Variants in SBF2 observed in about 807,000 individuals in gnomAD.
SBF2 encodes the protein SET binding factor 2.
A neutral mutation model predicts 225.2 loss-of-function variants in SBF2; 112 were observed. The observed-to-expected ratio is 0.50, with a 90% CI of 0.43 to 0.58. The LOEUF is 0.58. SBF2 is among the 20% of genes least tolerant of loss of function. SBF2 has a pLI of 0.00. For synonymous variants in SBF2, 763 were observed against 773.3 expected, an observed-to-expected ratio of 0.99 and a Z score of 0.22; for missense variants, 1,996 against 2,206.2, an observed-to-expected ratio of 0.90 and a Z score of 1.91.
intron 1 of SBF2, among the ~76,000 whole-genome samples, chr11:10,224,820 T>G (rs1007616821): frequency 2.9e-4 from 44 of 152,146 alleles, no homozygotes; most frequent in African/African-American, 7.5e-4. Flanking sequence ...AATTATGGTG[T>G]TGTTGTTTTG....
chr11:9,914,868 C>T (rs530469763), intron 16 of SBF2, among the ~76,000 whole-genome samples: 1 of 137,726 alleles, frequency 7.3e-6, no homozygotes, highest in South Asian at 2.3e-4. Flanking sequence ...GGTTCACCAA[C>T]TGTAACAAAT....
At chr11:10,173,754 T>C (rs1292912255) in intron 2 of SBF2, among the ~76,000 whole-genome samples, 1 of 149,738 alleles carries the variant, frequency 6.7e-6, no homozygotes, top group Non-Finnish European at 1.5e-5. Flanking sequence ...CAGACTTCAA[T>C]GTCCCTGTCT....
At chr11:10,063,327 A>AT (rs1228871977) in intron 2 of SBF2, among the ~76,000 whole-genome samples, 90 of 88,132 alleles carry the variant, frequency 1.0e-3, no homozygotes, top group Admixed American at 5.0e-3. Context: ...AAGTAAAAAA[A>AT]ATATATATAT....
chr11:10,249,673 G>A (rs1960160736), intron 1 of SBF2, among the ~76,000 whole-genome samples: 2 of 151,608 alleles, frequency 1.3e-5, no homozygotes, highest in African/African-American at 4.8e-5. Context: ...CTTCCAAATA[G>A]TCTCTTCTGA....
At chr11:9,781,722 C>T (rs2133842144) in intron 38 of SBF2, 84 bp from the exon 39 acceptor site, 1 of 1,492,200 alleles carries the variant, frequency 6.7e-7, no homozygotes, top group South Asian at 1.1e-5. Context: ...GAATACCTTC[C>T]TCTGTACCTT....
intron 38 of SBF2, among the ~76,000 whole-genome samples, chr11:9,782,336 C>T (rs541065347): frequency 1.3e-5 from 2 of 151,914 alleles, no homozygotes; most frequent in South Asian, 2.1e-4. Flanking sequence ...AGGCGAGTCA[C>T]AGAGAAATAC....
At chr11:9,885,281 AC>A (rs1216269331) in intron 17 of SBF2, among the ~76,000 whole-genome samples, 8 of 94,354 alleles carry the variant, frequency 8.5e-5, no homozygotes, top group African/African-American at 2.7e-4. Flanking sequence ...AAAAAACCCC[AC>A]CCCCCCAAAA....
At chr11:9,897,426 C>A (rs953352731) in intron 16 of SBF2, among the ~76,000 whole-genome samples, 1 of 151,982 alleles carries the variant, frequency 6.6e-6, no homozygotes, top group Non-Finnish European at 1.5e-5. Flanking sequence ...TTAGTAGAGA[C>A]GGGGTTTAAC....
At chr11:9,877,386 A>T (rs535511348) in intron 17 of SBF2, among the ~76,000 whole-genome samples, 4 of 152,224 alleles carry the variant, frequency 2.6e-5, no homozygotes, top group Admixed American at 6.5e-5. Flanking sequence ...GAAATCATTA[A>T]TTAAACCTAA....
At chr11:10,148,574 A>G (rs1387515467) in intron 2 of SBF2, among the ~76,000 whole-genome samples, 1 of 152,034 alleles carries the variant, frequency 6.6e-6, no homozygotes, top group Non-Finnish European at 1.5e-5. Flanking sequence ...CAAAGGTCCC[A>G]GCCAGGACAA....
rs755430266 is a variant in SBF2 at position 10,028,571 on chromosome 11, G to C, written c.514-14C>G. 1 of 1,517,672 alleles carries C rather than the reference G, an allele frequency of 6.6e-7. No homozygotes were observed. The highest frequency in any genetic ancestry group is 1.1e-5 in the South Asian group (1 of 89,116). 94.0% of individuals were successfully genotyped at this position (1,517,672 alleles called of 1,614,324 possible). A position where few individuals can be genotyped will look rare whatever the true frequency, so the allele number is the denominator to read the frequency against. ...AGAAAACAGCTTCTGCAGAATGGGA[G>C]AAACACAAACACACACACACACGAT... On this transcript the variant is annotated splice_polypyrimidine_tract_variant and intron_variant, in intron 5 of 39. Transcript: ENST00000256190.
intron 8 of SBF2, 122 bp downstream of exon 8, chr11:10,000,792 A>G (rs1277427118): frequency 3.1e-6 from 2 of 655,020 alleles, no homozygotes; most frequent in African/African-American, 3.7e-5. Flanking sequence ...CTTCTATCCA[A>G]TCTTTTCTAC....
At chr11:10,162,198 T>C (rs942677363) in intron 2 of SBF2, among the ~76,000 whole-genome samples, 21 of 151,934 alleles carry the variant, frequency 1.4e-4, no homozygotes, top group Admixed American at 3.9e-4. Context: ...TTTTTTTTTT[T>C]TCCAACAGGG....
rs1430709258 is a variant in SBF2 at position 10,214,555 on chromosome 11, G to A, written c.56-20568C>T. ...GGATAATCGCTTGAACCTAGGAGGC[G>A]GAGGTTGCAGTGAGCCAAGATGGCA... On this transcript the variant is annotated intron_variant, in intron 1 of 39. Transcript: ENST00000256190. Among the ~76,000 whole-genome samples, 5 of 152,116 alleles carry A rather than the reference G, an allele frequency of 3.3e-5. No homozygotes were observed. In the East Asian group the frequency reaches 5.8e-4, roughly 18 times the overall value.
chr11:10,134,694 T>A (rs948937309), intron 2 of SBF2, among the ~76,000 whole-genome samples: 9 of 152,214 alleles, frequency 5.9e-5, no homozygotes, highest in Non-Finnish European at 1.3e-4. Flanking sequence ...CTCCTTTGAC[T>A]CCAGGTCTCA....
intron 2 of SBF2, chr11:10,044,478 A>C (rs1302689003): frequency 1.8e-5 from 3 of 163,366 alleles, no homozygotes; most frequent in African/African-American, 7.2e-5. Context: ...ATTGCAACGC[A>C]AAGGGGAGAA....
At chr11:10,105,103 T>C (rs972640844) in intron 2 of SBF2, among the ~76,000 whole-genome samples, 7 of 152,202 alleles carry the variant, frequency 4.6e-5, no homozygotes, top group African/African-American at 1.4e-4. Context: ...GCCTTATAAT[T>C]AGTTGGAAAG....
intron 2 of SBF2, among the ~76,000 whole-genome samples, chr11:10,083,623 G>A (rs569408659): frequency 3.3e-5 from 5 of 152,090 alleles, no homozygotes; most frequent in Non-Finnish European, 7.4e-5. Flanking sequence ...CATACAATGG[G>A]GAAAGGACAC....
At chr11:10,138,570 T>C (rs566593643) in intron 2 of SBF2, among the ~76,000 whole-genome samples, 148 of 152,144 alleles carry the variant, frequency 9.7e-4, no homozygotes, top group African/African-American at 3.4e-3. Context: ...AATTTTAGAC[T>C]TTTCCTCTTC....
Sources: gnomAD v4.1 joint callset for allele counts (sites outside exome capture counted in the v4.1 genomes callset) on GRCh38, gnomAD v4.1.1 for gene constraint, MANE v1.5 for transcripts, NCBI Gene and HGNC (gene_info 2026-07-23, HGNC 2026-07-21) for gene names.